Variants in HTT-AS observed in about 807,000 individuals in gnomAD.
HTT-AS encodes HTT antisense RNA.
exon 2 of HTT-AS, among the ~76,000 whole-genome samples, chr4:3,063,141 G>T (rs1178837443): frequency 1.3e-5 from 2 of 152,200 alleles, no homozygotes; most frequent in African/African-American, 4.8e-5. Context: ...ACAAAGGAAG[G>T]GAGGTGCTCA....
At chr4:3,058,325 TCAA>T (rs1711849222) in intron 2 of HTT-AS, among the ~76,000 whole-genome samples, 1 of 149,428 alleles carries the variant, frequency 6.7e-6, no homozygotes, top group Non-Finnish European at 1.5e-5. Flanking sequence ...AAACTCTGTC[TCAA>T]AAGAAAAAAA....
exon 1 of HTT-AS, chr4:3,074,498 C>T: frequency 3.9e-6 from 1 of 256,492 alleles, no homozygotes; most frequent in Non-Finnish European, 7.2e-6. Context: ...GGGCGCTGCG[C>T]TGTCAGCGGC....
At chr4:3,072,681 A>G (rs1204728335) in intron 1 of HTT-AS, among the ~76,000 whole-genome samples, 1 of 152,156 alleles carries the variant, frequency 6.6e-6, no homozygotes, top group African/African-American at 2.4e-5. Flanking sequence ...CCCAGGCTGG[A>G]GTGCAATGGC....
downstream of HTT-AS, among the ~76,000 whole-genome samples, chr4:3,047,928 C>A (rs1711627178): frequency 6.6e-6 from 1 of 152,216 alleles, no homozygotes; most frequent in Non-Finnish European, 1.5e-5. Flanking sequence ...TCTCTCTCCG[C>A]CTCGGCTACC....
In HTT-AS at chr4:3,071,313, C is replaced by T. The variant is rs186260287; in HGVS notation, n.113+3113G>A. 2.6e-5 allele frequency among the ~76,000 whole-genome samples: 4 copies of T among 152,298 alleles called. No individual in the cohort carries two copies. In the East Asian group the frequency reaches 5.8e-4, roughly 22 times the overall value. ...CCCCCTCCTTCCAGCTCCCATCACC[C>T]CAGGATGTGGCTTTTATGCAGATGA... is the stretch of plus-strand genomic sequence containing the variant. On this transcript the variant is annotated intron_variant and non_coding_transcript_variant, in intron 1 of 2. Coordinates refer to ENST00000664062, the Ensembl canonical transcript of HTT-AS.
chr4:3,049,198 C>T (rs138934801), exon 3 of HTT-AS, among the ~76,000 whole-genome samples: 3,867 of 152,112 alleles, frequency 0.025, 82 homozygotes, highest in Non-Finnish European at 0.038. Context: ...CCGAGGTGGG[C>T]GGATCACCTG....
At chr4:3,053,313 G>A (rs996003421) in intron 2 of HTT-AS, among the ~76,000 whole-genome samples, 16 of 152,100 alleles carry the variant, frequency 1.1e-4, no homozygotes, top group Admixed American at 6.6e-4. Flanking sequence ...TGGGTGGATC[G>A]CCTGAGGTCA....
chr4:3,062,561 C>T (rs1457548873), exon 2 of HTT-AS, among the ~76,000 whole-genome samples: 1 of 152,054 alleles, frequency 6.6e-6, no homozygotes, highest in East Asian at 1.9e-4. Context: ...AAAGGTCTCC[C>T]TTCGGCTCAT....
chr4:3,056,723 G>T (rs1042357868), intron 2 of HTT-AS, among the ~76,000 whole-genome samples: 1 of 152,106 alleles, frequency 6.6e-6, no homozygotes, highest in Non-Finnish European at 1.5e-5. Flanking sequence ...CCAGAAACTA[G>T]GTATTTCCTT....
At chr4:3,062,012 A>AAG (rs1162557909) in intron 2 of HTT-AS, among the ~76,000 whole-genome samples, 2,235 of 131,730 alleles carry the variant, frequency 0.017, 94 homozygotes, top group African/African-American at 0.024. Context: ...AAAAAAAAAA[A>AAG]AGAGAGAGAG....
chr4:3,055,296 TAA>T (rs796510571), intron 2 of HTT-AS, among the ~76,000 whole-genome samples: 7 of 141,568 alleles, frequency 4.9e-5, no homozygotes, highest in Admixed American at 7.1e-5. Flanking sequence ...AGACTCCGTC[TAA>T]AAAAAAAAAA....
At chr4:3,049,189 C>T (rs1034652800) in exon 3 of HTT-AS, among the ~76,000 whole-genome samples, 6 of 152,040 alleles carry the variant, frequency 3.9e-5, no homozygotes, top group African/African-American at 1.4e-4. Flanking sequence ...TTTGGGAGGC[C>T]GAGGTGGGCG....
intron 1 of HTT-AS, among the ~76,000 whole-genome samples, chr4:3,072,170 C>T (rs1712188249): frequency 6.6e-6 from 1 of 152,256 alleles, no homozygotes; most frequent in South Asian, 2.1e-4. Flanking sequence ...CCAGCTGCCT[C>T]CCACCTGAGA....
intron 1 of HTT-AS, among the ~76,000 whole-genome samples, chr4:3,068,071 C>A (rs181260325): frequency 2.0e-5 from 3 of 151,890 alleles, no homozygotes; most frequent in Non-Finnish European, 2.9e-5. Flanking sequence ...TTTGGGAGGC[C>A]GAGGCGGGTG....
At chr4:3,070,480 A>G (rs1712146750) in intron 1 of HTT-AS, among the ~76,000 whole-genome samples, 1 of 151,832 alleles carries the variant, frequency 6.6e-6, no homozygotes, top group African/African-American at 2.4e-5. Context: ...TAGTTGAGAG[A>G]GGGTTTCATC....
At chr4:3,061,688 A>AAAG (rs1211880653) in intron 2 of HTT-AS, among the ~76,000 whole-genome samples, 1 of 149,522 alleles carries the variant, frequency 6.7e-6, no homozygotes, top group Non-Finnish European at 1.5e-5. Flanking sequence ...ATCTCAGAAA[A>AAAG]AAAAAAAAAA....
chr4:3,055,309 A>G (rs1205447188), intron 2 of HTT-AS, among the ~76,000 whole-genome samples: 1 of 151,776 alleles, frequency 6.6e-6, no homozygotes, highest in Non-Finnish European at 1.5e-5. Context: ...AAAAAAAAAA[A>G]GTCTCAAACT....
chr4:3,071,212 C>T (rs574899357), intron 1 of HTT-AS, among the ~76,000 whole-genome samples: 79 of 152,306 alleles, frequency 5.2e-4, no homozygotes, highest in African/African-American at 1.5e-3. Context: ...GCAGCTCAGA[C>T]GGAAGTGTAT....
chr4:3,066,630 C>G lies in HTT-AS; in HGVS notation n.114-2930G>C, dbSNP rs1712062674. Reference sequence around the variant, plus strand: ...AAACCAGCTCTGAAATATGGATGGTCCTCTGGGACCATACCAATCCCTTCA... The same window carrying G: ...AAACCAGCTCTGAAATATGGATGGTGCTCTGGGACCATACCAATCCCTTCA... On this transcript the variant is annotated intron_variant and non_coding_transcript_variant, in intron 1 of 2. Coordinates refer to ENST00000664062, the Ensembl canonical transcript of HTT-AS. Among the ~76,000 whole-genome samples, 6 of 152,292 alleles carry G rather than the reference C, an allele frequency of 3.9e-5. No individual in the cohort carries two copies. In the South Asian group the frequency reaches 1.2e-3, roughly 32 times the overall value.
Sources: gnomAD v4.1 joint callset for allele counts (sites outside exome capture counted in the v4.1 genomes callset) on GRCh38, gnomAD v4.1.1 for gene constraint, MANE v1.5 for transcripts, NCBI Gene and HGNC (gene_info 2026-07-23, HGNC 2026-07-21) for gene names.